BTF3L4: variants seen among roughly 807,000 people sequenced by gnomAD.
The protein encoded by BTF3L4 is basic transcription factor 3 like 4.
BTF3L4 carries 6 observed loss-of-function variants against 16.8 expected under a neutral mutation model. The ratio of observed to expected loss-of-function variants is 0.36; its 90% CI spans 0.20 to 0.71. The LOEUF (loss-of-function observed/expected upper bound fraction) is 0.71, where lower values mean the gene tolerates loss of function less well. Among genes scored for constraint, BTF3L4 ranks in the 30% least tolerant of loss-of-function variants. The pLI, the probability that BTF3L4 is intolerant of heterozygous loss-of-function variation, is 0.58. For missense variants in BTF3L4, 92 were observed against 186.9 expected (o/e 0.49, Z 2.96); for synonymous variants, 39 against 59.8 (o/e 0.65, Z 1.60).
rs145402651 is a variant in BTF3L4 at position 52,076,491 on chromosome 1, C to T, written c.169-6849C>T. ...ACTCAGGAGGCTGAGGCAGGAGAATCGCTTGAACCCGTGAGGCGGAGGTCG... is the reference window on the plus strand; with the variant it reads ...ACTCAGGAGGCTGAGGCAGGAGAATTGCTTGAACCCGTGAGGCGGAGGTCG... On this transcript the variant is annotated intron_variant, in intron 3 of 5. Coordinates refer to ENST00000313334, the MANE Select transcript of BTF3L4 (RefSeq NM_152265.5). Among the ~76,000 whole-genome samples, 226 of 149,060 alleles carry T rather than the reference C, an allele frequency of 1.5e-3. 1 individual carries two copies. Among genetic ancestry groups the T allele is most frequent in the Middle Eastern group, 0.015 (4 of 274 alleles).
chr1:52,075,053 G>C (rs974428215), intron 3 of BTF3L4, among the ~76,000 whole-genome samples: 1 of 150,730 alleles, frequency 6.6e-6, no homozygotes, highest in Non-Finnish European at 1.5e-5. Context: ...CACCACACCC[G>C]GCCAATAATC....
intron 3 of BTF3L4, among the ~76,000 whole-genome samples, chr1:52,070,283 T>G (rs1205591285): frequency 6.6e-6 from 1 of 151,554 alleles, no homozygotes; most frequent in East Asian, 1.9e-4. Flanking sequence ...GGTTCATTGA[T>G]TTGGTATAAT....
chr1:52,075,609 A>G (rs1276725213), intron 3 of BTF3L4, among the ~76,000 whole-genome samples: 2 of 147,548 alleles, frequency 1.4e-5, no homozygotes, highest in Non-Finnish European at 3.0e-5. Context: ...GTAATTATAT[A>G]TTATATGTAA....
At chr1:52,058,604 CTT>C (rs554662650) in intron 1 of BTF3L4, among the ~76,000 whole-genome samples, 10 of 141,204 alleles carry the variant, frequency 7.1e-5, no homozygotes, top group Admixed American at 2.8e-4. Flanking sequence ...TTTAATTTGG[CTT>C]TTTTTTTTTT....
At chr1:52,084,437 C>A (rs923345112) in intron 4 of BTF3L4, among the ~76,000 whole-genome samples, 7 of 152,130 alleles carry the variant, frequency 4.6e-5, no homozygotes, top group African/African-American at 1.7e-4. Context: ...AGCTACCATG[C>A]TTGGCCCATC....
intron 3 of BTF3L4, among the ~76,000 whole-genome samples, chr1:52,068,797 T>A (rs1273084887): frequency 1.3e-5 from 2 of 152,128 alleles, no homozygotes; most frequent in Non-Finnish European, 2.9e-5. Context: ...TCCCCATCAG[T>A]ATTTCCAAGG....
In BTF3L4 at chr1:52,088,941, GT is replaced by G. The variant is rs1643996042; in HGVS notation, c.*2184del. On this transcript the variant is annotated 3_prime_UTR_variant, in exon 6 of 6. Transcript: ENST00000313334. ...TTTTTTTTTTTTTTTTGTATTTTTA[GT>G]AGAGATGGGGTTTTACCATGTTGCC... 8.2e-6 allele frequency: 1 copy of G among 122,376 alleles called. No individual in the cohort carries two copies. Among genetic ancestry groups the G allele is most frequent in the South Asian group, 2.4e-4 (1 of 4,232 alleles). 7.6% of individuals were successfully genotyped at this position (122,376 alleles called of 1,614,324 possible).
chr1:52,070,824 C>T (rs1428943147), intron 3 of BTF3L4, among the ~76,000 whole-genome samples: 4 of 151,672 alleles, frequency 2.6e-5, no homozygotes, highest in Admixed American at 6.6e-5. Context: ...TTAGTAGAGA[C>T]GGGGTTTCAC....
chr1:52,056,610 C>T (rs753795263), intron 1 of BTF3L4, among the ~76,000 whole-genome samples: 13 of 152,256 alleles, frequency 8.5e-5, no homozygotes, highest in Non-Finnish European at 1.3e-4. Context: ...AGCGAGCGGG[C>T]CCGCCCTGTT....
intron 3 of BTF3L4, among the ~76,000 whole-genome samples, chr1:52,076,042 A>AT (rs1686924097): frequency 6.6e-6 from 1 of 152,180 alleles, no homozygotes; most frequent in Admixed American, 6.6e-5. Context: ...ATTTTGTCAA[A>AT]TTGCTTTTCA....
Position 52,089,158 on chromosome 1 carries a change from A to T in BTF3L4, c.*2400A>T, listed in dbSNP as rs185184641. Reference sequence around the variant, plus strand: ...GGAAGGGATTTTATCATTTGTTCAGAGATGTCTTTATTTTTATTAATACCC... The same window carrying T: ...GGAAGGGATTTTATCATTTGTTCAGTGATGTCTTTATTTTTATTAATACCC... On this transcript the variant is annotated 3_prime_UTR_variant, in exon 6 of 6. Coordinates refer to ENST00000313334, the MANE Select transcript of BTF3L4 (RefSeq NM_152265.5). 1 of 152,160 alleles carries T rather than the reference A, an allele frequency of 6.6e-6. No individual in the cohort carries two copies. The highest frequency in any genetic ancestry group is 1.9e-4 in the East Asian group (1 of 5,186). The allele number at this position is 152,160 out of a possible 1,614,324, so 9.4% of individuals were successfully genotyped here.
intron 1 of BTF3L4, among the ~76,000 whole-genome samples, chr1:52,058,312 ATAT>A (rs1219553359): frequency 6.6e-6 from 1 of 152,246 alleles, no homozygotes; most frequent in Non-Finnish European, 1.5e-5. Flanking sequence ...TAAATTCTAA[ATAT>A]TATTTGGGAT....
intron 2 of BTF3L4, chr1:52,060,482 CT>C: frequency 1.6e-6 from 2 of 1,269,472 alleles, no homozygotes; most frequent in Non-Finnish European, 2.1e-6. Flanking sequence ...TGAATATCAG[CT>C]TTCTTATTCC....
intron 3 of BTF3L4, among the ~76,000 whole-genome samples, chr1:52,080,519 G>GTTTTTTTTTTTTTTTTTTTTTTTTTTTTT (rs753783341): frequency 1.4e-5 from 1 of 70,232 alleles, no homozygotes; most frequent in African/African-American, 6.4e-5. Flanking sequence ...GGTTTTTTGG[G>GTTTTTTTTTTTTTTTTTTTTTTTTTTTTT]TTTTTTTTTT....
intron 3 of BTF3L4, among the ~76,000 whole-genome samples, chr1:52,066,086 T>A (rs147200284): frequency 1.4e-4 from 21 of 152,314 alleles, no homozygotes; most frequent in Admixed American, 1.4e-3. Flanking sequence ...GACACTATTT[T>A]TCTCAAATAT....
chr1:52,057,592 T>A (rs1686404698), intron 1 of BTF3L4, among the ~76,000 whole-genome samples: 1 of 152,158 alleles, frequency 6.6e-6, no homozygotes, highest in Non-Finnish European at 1.5e-5. Context: ...AAAGTAGAGG[T>A]TGATTGAGAA....
chr1:52,082,276 A>G (rs77823195), intron 3 of BTF3L4, among the ~76,000 whole-genome samples: 1,862 of 152,348 alleles, frequency 0.012, 35 homozygotes, highest in African/African-American at 0.043. Flanking sequence ...ATGAAATCAA[A>G]TCTGAAATAG....
At position 52,088,840 on chromosome 1, in the gene BTF3L4, G is replaced by C. The variant is rs1251504536; in HGVS notation, c.*2082G>C. On this transcript the variant is annotated 3_prime_UTR_variant, in exon 6 of 6. Transcript: ENST00000313334. ...TGTCCAGGCCGAACTGCAATGTTGT[G>C]GTCTCGGCTGACTGCAACCTCCACC... is the stretch of plus-strand genomic sequence containing the variant. 1.3e-5 allele frequency: 2 copies of C among 151,724 alleles called. No homozygotes were observed. Among genetic ancestry groups the C allele is most frequent in the African/African-American group, 2.4e-5 (1 of 41,262 alleles). 9.4% of individuals were successfully genotyped at this position (151,724 alleles called of 1,614,324 possible).
chr1:52,061,656 T>C (rs1572019944), intron 2 of BTF3L4, among the ~76,000 whole-genome samples: 3 of 87,326 alleles, frequency 3.4e-5, no homozygotes, highest in Non-Finnish European at 5.1e-5. Flanking sequence ...TTTTTTTTTT[T>C]TGAGACGGAG....
Sources: gnomAD v4.1 joint callset for allele counts (sites outside exome capture counted in the v4.1 genomes callset) on GRCh38, gnomAD v4.1.1 for gene constraint, MANE v1.5 for transcripts, NCBI Gene and HGNC (gene_info 2026-07-23, HGNC 2026-07-21) for gene names.